The following TAAR1 variants were observed in gnomAD, a reference collection of about 807,000 sequenced individuals.
TAAR1 encodes the protein trace amine-associated receptor 1.
Under a neutral mutation model 1.2 loss-of-function variants are expected in TAAR1, and 1 was observed. The observed-to-expected ratio is 0.81, with a 90% CI of 0.29 to 3.86. The LOEUF is 3.86. Among genes scored for constraint, TAAR1 ranks in the 30% most tolerant of loss-of-function variants. TAAR1 has a pLI of 0.18. For missense variants in TAAR1, 445 were observed against 405.6 expected, an observed-to-expected ratio of 1.10 and a Z score of -0.83; for synonymous variants, 153 against 132.2, an observed-to-expected ratio of 1.16 and a Z score of -1.08.
intron 1 of TAAR1, among the ~76,000 whole-genome samples, chr6:132,649,813 C>A (rs1182827435): frequency 2.6e-5 from 4 of 152,104 alleles, no homozygotes; most frequent in African/African-American, 4.8e-5. Context: ...ATGAGAACTA[C>A]AATTCAAGAT....
chr6:132,655,085 A>G (rs1274770489), intron 1 of TAAR1, among the ~76,000 whole-genome samples: 2 of 152,220 alleles, frequency 1.3e-5, no homozygotes, highest in East Asian at 3.8e-4. Flanking sequence ...CCATTTAACA[A>G]AATACAGTAG....
At chr6:132,647,846 T>C (rs1465850801) in intron 1 of TAAR1, among the ~76,000 whole-genome samples, 1 of 152,036 alleles carries the variant, frequency 6.6e-6, no homozygotes, top group African/African-American at 2.4e-5. Context: ...TTTATCTTTT[T>C]CCCTTCCCTC....
At chr6:132,647,118 C>T (rs58631849) in intron 1 of TAAR1, among the ~76,000 whole-genome samples, 9,454 of 151,858 alleles carry the variant, frequency 0.062, 335 homozygotes, top group East Asian at 0.11. Context: ...CCATGTGGGC[C>T]GTGGGCAAGG....
chr6:132,654,283 T>A (rs567137168), intron 1 of TAAR1, among the ~76,000 whole-genome samples: 5 of 152,354 alleles, frequency 3.3e-5, no homozygotes, highest in African/African-American at 1.2e-4. Context: ...GAGAGTGCTG[T>A]TGGCTGTCAT....
chr6:132,649,948 G>A lies in TAAR1; in HGVS notation c.-126-3819C>T, dbSNP rs192744377. Among the ~76,000 whole-genome samples the A allele has an allele frequency of 4.2e-3, 643 of 152,164 alleles. 4 individuals carry two copies. Among genetic ancestry groups the A allele is most frequent in the Middle Eastern group, 0.014 (4 of 294 alleles). On this transcript the variant is annotated intron_variant, in intron 1 of 1. Coordinates refer to ENST00000275216, the MANE Select transcript of TAAR1 (RefSeq NM_138327.4). Reference sequence around the variant, plus strand: ...CTGGCTTACTGTCACTGTCCGTAACGCTACTCCTGCTAAAGTTCTTAGCAA... The same window carrying A: ...CTGGCTTACTGTCACTGTCCGTAACACTACTCCTGCTAAAGTTCTTAGCAA...
rs1422027985 is a variant in TAAR1 at position 132,652,283 on chromosome 6, G to A, written c.-126-6154C>T. Among the ~76,000 whole-genome samples, 3 of 148,482 alleles carry A rather than the reference G, an allele frequency of 2.0e-5. No individual in the cohort carries two copies. In the East Asian group the frequency reaches 6.1e-4, roughly 30 times the overall value. On this transcript the variant is annotated intron_variant, in intron 1 of 1. Coordinates refer to ENST00000275216, the MANE Select transcript of TAAR1 (RefSeq NM_138327.4). Reference sequence around the variant, plus strand: ...TTTTTTTGGTAAAAGTGTAAATAAAGCTTCTGACTTTCAGATATTCTGCTT... The same window carrying A: ...TTTTTTTGGTAAAAGTGTAAATAAAACTTCTGACTTTCAGATATTCTGCTT...
At chr6:132,650,349 C>G (rs1248978839) in intron 1 of TAAR1, among the ~76,000 whole-genome samples, 3 of 152,208 alleles carry the variant, frequency 2.0e-5, no homozygotes, top group African/African-American at 7.2e-5. Flanking sequence ...AACATACTTT[C>G]CTGGCTAAAT....
chr6:132,653,914 T>A (rs765208821), intron 1 of TAAR1, among the ~76,000 whole-genome samples: 3 of 152,164 alleles, frequency 2.0e-5, no homozygotes, highest in Non-Finnish European at 4.4e-5. Flanking sequence ...ATACAACCAG[T>A]TTGAGTTTAT....
At chr6:132,652,242 T>G (rs1448525840) in intron 1 of TAAR1, among the ~76,000 whole-genome samples, 1 of 151,372 alleles carries the variant, frequency 6.6e-6, no homozygotes, top group Non-Finnish European at 1.5e-5. Context: ...AAAAAAGAAG[T>G]GATTGAGATA....
In TAAR1 at chr6:132,645,711, A is replaced by G. The variant is rs372907144; in HGVS notation, c.293T>C (p.Ile98Thr). The change falls in exon 2 of 2, where the codon ATT (isoleucine) becomes ACT (threonine). Residue 98 changes from isoleucine (I) to threonine (T), a missense_variant. Transcript: ENST00000275216. Reference protein sequence around the residue: ...CWYFGEVFCKIHTSTDIMLSS... With the variant: ...CWYFGEVFCKTHTSTDIMLSS... Reference sequence around the variant, plus strand: ...CAGCATAATGTCGGTGCTTGTGTGAATTTTACAGAAGACTTCTCCAAAATA... The same window carrying G: ...CAGCATAATGTCGGTGCTTGTGTGAGTTTTACAGAAGACTTCTCCAAAATA... 2 of 1,613,570 alleles carry G rather than the reference A, an allele frequency of 1.2e-6. No individual in the cohort carries two copies. Among genetic ancestry groups the G allele is most frequent in the African/African-American group, 2.7e-5 (2 of 74,874 alleles).
chr6:132,655,414 G>A (rs1777794453), intron 1 of TAAR1, among the ~76,000 whole-genome samples: 1 of 134,692 alleles, frequency 7.4e-6, no homozygotes, highest in South Asian at 2.3e-4. Flanking sequence ...AGGTCTTGCT[G>A]TGTCACCTAG....
chr6:132,649,356 C>T (rs1777722836), intron 1 of TAAR1, among the ~76,000 whole-genome samples: 1 of 152,080 alleles, frequency 6.6e-6, no homozygotes, highest in South Asian at 2.1e-4. Context: ...TTCCTTGTAC[C>T]TCTTCATATT....
Position 132,643,675 on chromosome 6 carries a change from C to A in TAAR1, c.*1309G>T, listed in dbSNP as rs990207581. On this transcript the variant is annotated 3_prime_UTR_variant, in exon 2 of 2. Transcript: ENST00000275216. ...TGCCTTACCCTAACTTATTCATGAG[C>A]AGAAGGTAAATCCAAATCCCCAGTG... 1.3e-5 allele frequency among the ~76,000 whole-genome samples: 2 copies of A among 151,916 alleles called. No homozygotes were observed. Among genetic ancestry groups the A allele is most frequent in the Non-Finnish European group, 2.9e-5 (2 of 67,896 alleles).
Position 132,644,923 on chromosome 6 carries a change from T to A in TAAR1, c.*61A>T, listed in dbSNP as rs1777642731. ...CCATGTGGTTGGTGCATGTGGTTCG[T>A]TATGTTGTGTTCATAAATATGATCA... On this transcript the variant is annotated 3_prime_UTR_variant, in exon 2 of 2. Coordinates refer to ENST00000275216, the MANE Select transcript of TAAR1 (RefSeq NM_138327.4). 7.3e-7 allele frequency: 1 copy of A among 1,377,106 alleles called. No homozygotes were observed. The allele number at this position is 1,377,106 out of a possible 1,614,324, so 85.3% of individuals were successfully genotyped here. A position where few individuals can be genotyped will look rare whatever the true frequency, so the allele number is the denominator to read the frequency against.
chr6:132,647,613 G>GAA (rs1582751109), intron 1 of TAAR1, among the ~76,000 whole-genome samples: 1 of 111,530 alleles, frequency 9.0e-6, no homozygotes, highest in Non-Finnish European at 1.8e-5. Flanking sequence ...AAAAAAGAAA[G>GAA]AAAGAAAAAG....
At chr6:132,657,385 T>TAC (rs576185283) in intron 1 of TAAR1, among the ~76,000 whole-genome samples, 1 of 126,576 alleles carries the variant, frequency 7.9e-6, no homozygotes, top group African/African-American at 2.8e-5. Flanking sequence ...CAGACTTACA[T>TAC]ATATATATAT....
chr6:132,656,324 G>T (rs779055979), intron 1 of TAAR1, among the ~76,000 whole-genome samples: 6 of 152,214 alleles, frequency 3.9e-5, no homozygotes, highest in Non-Finnish European at 7.4e-5. Context: ...AAATCAAGGT[G>T]CTGTGTCAAG....
Position 132,644,464 on chromosome 6 carries a change from A to G in TAAR1, c.*520T>C, listed in dbSNP as rs1777635947. On this transcript the variant is annotated 3_prime_UTR_variant, in exon 2 of 2. Coordinates refer to ENST00000275216, the MANE Select transcript of TAAR1 (RefSeq NM_138327.4). ...CAGAAAAACATAATTTAAAAATGTG[A>G]AGATCAAGATATTTAAGGATTGGAA... Among the ~76,000 whole-genome samples, 2 of 152,008 alleles carry G rather than the reference A, an allele frequency of 1.3e-5. No individual in the cohort carries two copies. The highest frequency in any genetic ancestry group is 4.1e-4 in the South Asian group (2 of 4,834).
At chr6:132,651,428 CT>C (rs1446604453) in intron 1 of TAAR1, among the ~76,000 whole-genome samples, 1 of 152,130 alleles carries the variant, frequency 6.6e-6, no homozygotes, top group Non-Finnish European at 1.5e-5. Context: ...AGCCCTTGAC[CT>C]CCCTCCTGTG....
Sources: gnomAD v4.1 joint callset for allele counts (sites outside exome capture counted in the v4.1 genomes callset) on GRCh38, gnomAD v4.1.1 for gene constraint, MANE v1.5 for transcripts, NCBI Gene and HGNC (gene_info 2026-07-23, HGNC 2026-07-21) for gene names.